The following GSG1L variants were observed in gnomAD, a reference collection of about 807,000 sequenced individuals.
GSG1L encodes the protein GSG1 like.
Under a neutral mutation model 42.1 loss-of-function variants are expected in GSG1L, and 24 were observed. The ratio of observed to expected loss-of-function variants is 0.57; its 90% CI spans 0.41 to 0.80. The LOEUF (loss-of-function observed/expected upper bound fraction) is 0.80. Among genes scored for constraint, GSG1L ranks in the 30% least tolerant of loss-of-function variants. GSG1L has a pLI of 0.00. For missense variants in GSG1L, 445 were observed against 472.2 expected (o/e 0.94, Z 0.53); for synonymous variants, 215 against 203.5 (o/e 1.06, Z -0.48).
chr16:27,851,396 A>AT (rs1033732928), intron 3 of GSG1L, among the ~76,000 whole-genome samples: 2 of 151,812 alleles, frequency 1.3e-5, no homozygotes, highest in Non-Finnish European at 2.9e-5. Context: ...GGGTCTCATT[A>AT]TGTTGTCCAG....
At chr16:27,898,354 C>T (rs1488693746) in intron 2 of GSG1L, among the ~76,000 whole-genome samples, 1 of 138,192 alleles carries the variant, frequency 7.2e-6, no homozygotes, top group East Asian at 2.6e-4. Context: ...ACCCGCCCAC[C>T]CACCCCCTGC....
chr16:27,826,473 C>G (rs1416166073), intron 5 of GSG1L, among the ~76,000 whole-genome samples: 1 of 152,164 alleles, frequency 6.6e-6, no homozygotes, highest in East Asian at 1.9e-4. Context: ...TCTCCTTCAG[C>G]TCCCCCAGAA....
At chr16:27,899,159 G>C (rs911127560) in intron 2 of GSG1L, among the ~76,000 whole-genome samples, 1 of 152,248 alleles carries the variant, frequency 6.6e-6, no homozygotes, top group Admixed American at 6.5e-5. Flanking sequence ...GTCACCTGCT[G>C]CTACCCTTGA....
intron 2 of GSG1L, among the ~76,000 whole-genome samples, chr16:27,947,593 G>T (rs1429985033): frequency 8.8e-6 from 1 of 113,782 alleles, no homozygotes; most frequent in Non-Finnish European, 1.9e-5. Flanking sequence ...AAGAAAGAAA[G>T]AAAGAAAAAG....
chr16:27,835,478 G>A (rs957360458), intron 4 of GSG1L, among the ~76,000 whole-genome samples: 1 of 151,992 alleles, frequency 6.6e-6, no homozygotes, highest in African/African-American at 2.4e-5. Context: ...TTTAATTGGT[G>A]TATTTAAACC....
At chr16:27,966,668 T>C (rs1207829232) in intron 1 of GSG1L, among the ~76,000 whole-genome samples, 1 of 152,166 alleles carries the variant, frequency 6.6e-6, no homozygotes, top group Admixed American at 6.5e-5. Flanking sequence ...GACACAGACC[T>C]GGCCACCAAG....
intron 4 of GSG1L, among the ~76,000 whole-genome samples, chr16:27,836,140 T>G (rs1011625907): frequency 1.3e-5 from 2 of 152,190 alleles, no homozygotes; most frequent in African/African-American, 4.8e-5. Context: ...TTCTTTTCTT[T>G]CAGCATTTTC....
intron 2 of GSG1L, among the ~76,000 whole-genome samples, chr16:27,913,705 C>A (rs1398080810): frequency 6.6e-6 from 1 of 152,098 alleles, no homozygotes; most frequent in East Asian, 1.9e-4. Flanking sequence ...AGGTGAGTAA[C>A]CACAATAGAG....
At chr16:27,947,042 G>A (rs60773905) in intron 2 of GSG1L, among the ~76,000 whole-genome samples, 32,772 of 152,196 alleles carry the variant, frequency 0.22, 3,789 homozygotes, top group Non-Finnish European at 0.26. Context: ...TAGAGAGCCA[G>A]AGCTGGAATC....
chr16:27,958,911 G>T (rs2085036066), intron 2 of GSG1L, among the ~76,000 whole-genome samples: 1 of 152,182 alleles, frequency 6.6e-6, no homozygotes, highest in African/African-American at 2.4e-5. Flanking sequence ...CTGACCTCAG[G>T]TGATCTGCCC....
intron 3 of GSG1L, among the ~76,000 whole-genome samples, chr16:27,858,049 C>A (rs8045994): frequency 0.54 from 82,281 of 151,884 alleles, 22,399 homozygotes; most frequent in African/African-American, 0.61. Context: ...TACCTTCCAT[C>A]CCTCTGGTCT....
intron 2 of GSG1L, among the ~76,000 whole-genome samples, chr16:27,932,297 C>A (rs2084665785): frequency 6.6e-6 from 1 of 152,146 alleles, no homozygotes. Context: ...AAGTGATTCA[C>A]CTGCCTCAGC....
chr16:27,951,430 G>C (rs1236375058), intron 2 of GSG1L, among the ~76,000 whole-genome samples: 1 of 152,162 alleles, frequency 6.6e-6, no homozygotes, highest in African/African-American at 2.4e-5. Flanking sequence ...CCATGTTTCT[G>C]GGCCCTGGAC....
At chr16:27,902,438 C>T (rs2084270104) in intron 2 of GSG1L, among the ~76,000 whole-genome samples, 1 of 151,990 alleles carries the variant, frequency 6.6e-6, no homozygotes, top group Non-Finnish European at 1.5e-5. Context: ...GCAGAGAGGC[C>T]GATGCCAAGG....
chr16:27,937,025 C>T (rs532152926), intron 2 of GSG1L, among the ~76,000 whole-genome samples: 163 of 152,314 alleles, frequency 1.1e-3, no homozygotes, highest in African/African-American at 3.8e-3. Context: ...GGCACTTGCC[C>T]GTCCTGACAA....
intron 1 of GSG1L, among the ~76,000 whole-genome samples, chr16:27,988,541 G>C (rs2085413976): frequency 6.6e-6 from 1 of 152,120 alleles, no homozygotes; most frequent in South Asian, 2.1e-4. Flanking sequence ...CTTATAAGCA[G>C]TTATAAAGGA....
chr16:28,037,399 C>T (rs2086052322), intron 1 of GSG1L, among the ~76,000 whole-genome samples: 1 of 152,218 alleles, frequency 6.6e-6, no homozygotes, highest in Admixed American at 6.5e-5. Flanking sequence ...AACACAGCCT[C>T]AGTTTCCTCG....
At chr16:27,850,023 CTTTT>C (rs57543425) in intron 3 of GSG1L, among the ~76,000 whole-genome samples, 1,297 of 70,014 alleles carry the variant, frequency 0.019, 15 homozygotes, top group Admixed American at 0.06. Flanking sequence ...TTTGAAATGC[CTTTT>C]TTTTTTTTTT....
intron 3 of GSG1L, among the ~76,000 whole-genome samples, chr16:27,882,641 TCTTA>T (rs2083974043): frequency 6.6e-6 from 1 of 152,116 alleles, no homozygotes; most frequent in African/African-American, 2.4e-5. Flanking sequence ...CCAAGCAGAC[TCTTA>T]CTTATTTTCC....
Sources: allele counts gnomAD v4.1 joint callset (sites outside exome capture counted in the v4.1 genomes callset), GRCh38; gene constraint gnomAD v4.1.1; transcripts MANE v1.5; gene names NCBI Gene and HGNC (gene_info 2026-07-23, HGNC 2026-07-21).